ART3: variants seen among roughly 807,000 people sequenced by gnomAD.
ART3 encodes ecto-ADP-ribosyltransferase 3.
In ART3, 49 loss-of-function variants were observed where a neutral mutation model predicts 48.5. That is an observed-to-expected ratio of 1.01 (90% CI 0.80 to 1.28). The LOEUF is 1.28. Among genes scored for constraint, ART3 ranks in the 50% most tolerant of loss-of-function variants. The pLI is 0.00. For missense variants in ART3, 438 were observed against 454.3 expected, an observed-to-expected ratio of 0.96 and a Z score of 0.33; for synonymous variants, 145 against 157.2, an observed-to-expected ratio of 0.92 and a Z score of 0.58.
At chr4:76,071,513 T>A (rs527859798), upstream of ART3, among the ~76,000 whole-genome samples, 1 of 152,242 alleles carries the variant, frequency 6.6e-6, no homozygotes, top group East Asian at 1.9e-4. Flanking sequence ...ATGTCTCCAA[T>A]TCCTCTTTTC....
Position 76,100,989 on chromosome 4 carries a change from G to A in ART3, c.908-1G>A. On this transcript the variant is annotated splice_acceptor_variant, in intron 7 of 11. Transcript: ENST00000355810. LOFTEE classifies it high-confidence loss of function. ...CTGATAAGCTTCTTTTTGTAACTCA[G>A]GTGAGAAAAACCAGAAGCTTGAAGA... 2 of 1,613,354 alleles carry A rather than the reference G, an allele frequency of 1.2e-6. No homozygotes were observed. Among genetic ancestry groups the A allele is most frequent in the Non-Finnish European group, 1.7e-6 (2 of 1,179,836 alleles).
At chr4:76,043,632 C>T (rs1464310110) in intron 1 of ART3, among the ~76,000 whole-genome samples, 7 of 152,186 alleles carry the variant, frequency 4.6e-5, no homozygotes, top group South Asian at 4.2e-4. Flanking sequence ...GGCCCACAAG[C>T]GCTGTGCGCA....
At position 76,042,038 on chromosome 4, in the gene ART3, A is replaced by C. The variant is rs149152852; in HGVS notation, c.-10+30718A>C. On this transcript the variant is annotated intron_variant, in intron 1 of 9. Coordinates refer to the ART3 transcript ENST00000341029. ...TTTATTTTCCCAGGTTCACCCACTT[A>C]AATAAGTTTTGCTTTTAATTTAAAG... Among the ~76,000 whole-genome samples the C allele has an allele frequency of 1.6e-4, 24 of 152,278 alleles. No homozygotes were observed. In the East Asian group the frequency reaches 4.6e-3, roughly 29 times the overall value.
At chr4:76,038,393 G>A (rs1012794855) in intron 1 of ART3, among the ~76,000 whole-genome samples, 1 of 152,092 alleles carries the variant, frequency 6.6e-6, no homozygotes, top group Non-Finnish European at 1.5e-5. Context: ...GGCACTCATT[G>A]GGGGTCTTGG....
chr4:76,052,732 TA>T (rs1736248183), intron 1 of ART3, among the ~76,000 whole-genome samples: 1 of 150,456 alleles, frequency 6.6e-6, no homozygotes, highest in African/African-American at 2.4e-5. Context: ...TTTTTTTTTT[TA>T]AGACAGAGTC....
At chr4:76,066,027 A>T (rs1472656703) in intron 1 of ART3, among the ~76,000 whole-genome samples, 1 of 152,196 alleles carries the variant, frequency 6.6e-6, no homozygotes, top group African/African-American at 2.4e-5. Context: ...GGAGTGGAAG[A>T]CCTGATTCTA....
chr4:76,098,094 A>G (rs1726416421), intron 4 of ART3, among the ~76,000 whole-genome samples: 1 of 152,182 alleles, frequency 6.6e-6, no homozygotes, highest in African/African-American at 2.4e-5. Context: ...TTGGGAGACC[A>G]ATGAAGGAAT....
rs1023537406 is a variant in ART3, at chr4:76,105,473, T to A, written c.1003+844T>A. 10 of 1,281,786 alleles carry A rather than the reference T, an allele frequency of 7.8e-6. No homozygotes were observed. In the African/African-American group the frequency reaches 1.5e-4, roughly 20 times the overall value. The allele number at this position is 1,281,786 out of a possible 1,614,324, so 79.4% of individuals were successfully genotyped here. Reference sequence around the variant, plus strand: ...AAAATGAATGGTGGTAACATAGTAGTAAATGGTAGCTGCCTTTGTTATTAT... The same window carrying A: ...AAAATGAATGGTGGTAACATAGTAGAAAATGGTAGCTGCCTTTGTTATTAT... On this transcript the variant is annotated intron_variant, in intron 10 of 11. Transcript: ENST00000355810.
intron 1 of ART3, among the ~76,000 whole-genome samples, chr4:76,059,379 T>C (rs971545095): frequency 1.3e-5 from 2 of 151,812 alleles, no homozygotes; most frequent in Non-Finnish European, 2.9e-5. Flanking sequence ...TTTCTTTTTT[T>C]TTTCCTGAGC....
chr4:76,034,055 TG>T (rs1486723949), intron 1 of ART3: 5 of 166,374 alleles, frequency 3.0e-5, no homozygotes, highest in African/African-American at 1.2e-4. Context: ...GCTACTAATT[TG>T]GTTATGAAAT....
Position 76,017,881 on chromosome 4 carries a change from C to T in ART3, c.-10+6561C>T, listed in dbSNP as rs368410750. Among the ~76,000 whole-genome samples, 198 of 152,350 alleles carry T rather than the reference C, an allele frequency of 1.3e-3. 3 individuals are homozygous for T. The highest frequency in any genetic ancestry group is 4.4e-3 in the African/African-American group (183 of 41,576). ...TGTGACAGAGCATGACTGGGTTCCC[C>T]CAAGCACACAGATTATCTTTCTGTG... On this transcript the variant is annotated intron_variant, in intron 1 of 9. Transcript: ENST00000341029.
chr4:76,074,649 G>A (rs1020158591), upstream of ART3: 1 of 152,172 alleles, frequency 6.6e-6, no homozygotes, highest in African/African-American at 2.4e-5. Flanking sequence ...GTAGCGTAGT[G>A]TGCCACTGCC....
At chr4:76,103,417 C>A (rs1052089047) in intron 8 of ART3, among the ~76,000 whole-genome samples, 7 of 152,106 alleles carry the variant, frequency 4.6e-5, no homozygotes, top group African/African-American at 1.7e-4. Flanking sequence ...ATGAGTTAGA[C>A]AAGAACAAAG....
At chr4:76,066,203 T>C (rs1322391940) in intron 1 of ART3, among the ~76,000 whole-genome samples, 1 of 152,174 alleles carries the variant, frequency 6.6e-6, no homozygotes, top group Non-Finnish European at 1.5e-5. Flanking sequence ...TATAGGATCT[T>C]TGGGGTGTTG....
chr4:76,104,266 G>A (rs568970211), intron 9 of ART3: 4 of 831,994 alleles, frequency 4.8e-6, no homozygotes, highest in African/African-American at 1.9e-5. Context: ...AGGTTCTACA[G>A]CTAAAGTTAT....
At chr4:76,031,214 T>G (rs1733843900) in intron 1 of ART3, among the ~76,000 whole-genome samples, 1 of 152,214 alleles carries the variant, frequency 6.6e-6, no homozygotes, top group Non-Finnish European at 1.5e-5. Context: ...CATTGTATTT[T>G]GTTTTATCAT....
At chr4:76,052,715 C>CTTTTT (rs1560599800) in intron 1 of ART3, among the ~76,000 whole-genome samples, 1 of 117,016 alleles carries the variant, frequency 8.5e-6, no homozygotes, top group East Asian at 2.1e-4. Context: ...TTCTTTTTTC[C>CTTTTT]TTCTTTTTTT....
chr4:76,075,931 A>T lies in ART3; in HGVS notation c.42A>T (p.Ala14=). The change falls in exon 2 of 12, where the codon GCA becomes GCT. Residue 14 remains alanine (A), a synonymous_variant. Transcript: ENST00000355810. ...GHFEIVTMLL[A]TMILVDIFQV... ...TTGAAATAGTCACCATGCTGCTGGC[A>T]ACCATGATTCTAGTGGACATTTTCC... The T allele has an allele frequency of 6.2e-7, 1 of 1,613,528 alleles. No individual in the cohort carries two copies. Among genetic ancestry groups the T allele is most frequent in the Non-Finnish European group, 8.5e-7 (1 of 1,179,684 alleles).
At chr4:76,060,616 T>C (rs573851665) in intron 1 of ART3, among the ~76,000 whole-genome samples, 138 of 96,718 alleles carry the variant, frequency 1.4e-3, no homozygotes, top group African/African-American at 4.7e-3. Flanking sequence ...ACTGGACTTA[T>C]ATTATGGACC....
Sources: gnomAD v4.1 joint callset for allele counts (sites outside exome capture counted in the v4.1 genomes callset) on GRCh38, gnomAD v4.1.1 for gene constraint, MANE v1.5 for transcripts, NCBI Gene and HGNC (gene_info 2026-07-23, HGNC 2026-07-21) for gene names.